Variants in TLK2 observed in about 807,000 individuals in gnomAD.
TLK2 encodes the protein serine/threonine-protein kinase tousled-like 2.
TLK2 carries 6 observed loss-of-function variants against 117.3 expected under a neutral mutation model. That is an observed-to-expected ratio of 0.05 (90% CI 0.03 to 0.10). The LOEUF is 0.10. TLK2 is among the 10% of genes least tolerant of loss of function. The pLI is 1.00. For synonymous variants in TLK2, 257 were observed against 316.7 expected (o/e 0.81, Z 2.00); for missense variants, 299 against 901.2 (o/e 0.33, Z 8.56).
At position 62,486,946 on chromosome 17, in the gene TLK2, CT is replaced by C. The variant is rs1307411905; in HGVS notation, c.81+5742del. On this transcript the variant is annotated intron_variant, in intron 2 of 21. Coordinates refer to ENST00000346027, the MANE Select transcript of TLK2 (RefSeq NM_006852.6). Reference sequence around the variant, plus strand: ...CATGTCAATGATCATTTTACAATAACTTACACTTGTGTTGTAATTATTCTAT... The same window carrying C: ...CATGTCAATGATCATTTTACAATAACTACACTTGTGTTGTAATTATTCTAT... Among the ~76,000 whole-genome samples, 3 of 152,310 alleles carry C rather than the reference CT, an allele frequency of 2.0e-5. No individual in the cohort carries two copies. The East Asian group carries it at 5.8e-4, about 29-fold the overall frequency.
chr17:62,539,256 T>A (rs2077331364), intron 7 of TLK2, among the ~76,000 whole-genome samples: 1 of 152,166 alleles, frequency 6.6e-6, no homozygotes, highest in Admixed American at 6.5e-5. Context: ...CAGTTTCCCT[T>A]CCAGTATTTC....
At chr17:62,489,880 G>T (rs2072921867) in intron 2 of TLK2, among the ~76,000 whole-genome samples, 1 of 152,076 alleles carries the variant, frequency 6.6e-6, no homozygotes, top group Non-Finnish European at 1.5e-5. Context: ...GCCCAGGCTG[G>T]AGTGTGGTGG....
intron 9 of TLK2, among the ~76,000 whole-genome samples, chr17:62,554,528 G>A (rs1245550501): frequency 2.0e-5 from 3 of 152,136 alleles, no homozygotes; most frequent in Non-Finnish European, 4.4e-5. Flanking sequence ...GTTGCAGTGA[G>A]CTGAGATTGC....
intron 11 of TLK2, among the ~76,000 whole-genome samples, chr17:62,569,670 G>A (rs929329594): frequency 2.0e-5 from 3 of 151,800 alleles, no homozygotes; most frequent in Non-Finnish European, 2.9e-5. Flanking sequence ...TAAGTGATCC[G>A]CCCACCTTGG....
rs539363037 is a variant in TLK2, at chr17:62,508,122, T to C, written c.82-12651T>C. On this transcript the variant is annotated intron_variant, in intron 2 of 21. Transcript: ENST00000346027. ...TCAGACTAGTTAAATTTGTTTAAATTTGTGAAATTAACAAATTTAAACCAG... is the reference window on the plus strand; with the variant it reads ...TCAGACTAGTTAAATTTGTTTAAATCTGTGAAATTAACAAATTTAAACCAG... Among the ~76,000 whole-genome samples, 31 of 151,944 alleles carry C rather than the reference T, an allele frequency of 2.0e-4. 1 individual carries two copies. In the South Asian group the frequency reaches 6.0e-3, roughly 30 times the overall value.
chr17:62,609,935 A>T (rs2083607868), intron 21 of TLK2, among the ~76,000 whole-genome samples: 1 of 152,152 alleles, frequency 6.6e-6, no homozygotes, highest in Admixed American at 6.6e-5. Context: ...TCAAAAAAAG[A>T]AAAAGAGAAG....
intron 15 of TLK2, 127 bp downstream of exon 15, chr17:62,580,319 A>G: frequency 1.6e-6 from 1 of 611,548 alleles, no homozygotes; most frequent in Non-Finnish European, 2.6e-6. Context: ...AACTTTAAAA[A>G]CCTGTATCTT....
intron 11 of TLK2, among the ~76,000 whole-genome samples, chr17:62,569,448 T>C (rs1302097997): frequency 7.0e-6 from 1 of 142,438 alleles, no homozygotes; most frequent in Non-Finnish European, 1.5e-5. Context: ...TTTTTTTTTT[T>C]TTTTTGAGAT....
intron 2 of TLK2, among the ~76,000 whole-genome samples, chr17:62,504,665 G>A (rs747787777): frequency 6.6e-6 from 1 of 152,056 alleles, no homozygotes; most frequent in Middle Eastern, 3.2e-3. Flanking sequence ...AAAAAAAGCC[G>A]GACATGGCGG....
At chr17:62,497,406 A>G (rs2073805617) in intron 2 of TLK2, among the ~76,000 whole-genome samples, 3 of 152,358 alleles carry the variant, frequency 2.0e-5, no homozygotes, top group South Asian at 2.1e-4. Flanking sequence ...AGCAGAAGCT[A>G]TGCACATAAT....
chr17:62,577,660 T>G (rs1324644988), intron 13 of TLK2, among the ~76,000 whole-genome samples: 2 of 152,256 alleles, frequency 1.3e-5, no homozygotes, highest in Non-Finnish European at 2.9e-5. Context: ...AGTAAAGATT[T>G]ACTAAACTGC....
At chr17:62,556,834 AAT>A (rs2146285727) in intron 9 of TLK2, among the ~76,000 whole-genome samples, 1 of 152,300 alleles carries the variant, frequency 6.6e-6, no homozygotes, top group Admixed American at 6.5e-5. Context: ...GTCTTATTTT[AAT>A]ATGATTGCCC....
rs138604306 is a variant in TLK2, at chr17:62,609,259, T to C, written c.2079+1111T>C. Among the ~76,000 whole-genome samples, 314 of 152,282 alleles carry C rather than the reference T, an allele frequency of 2.1e-3. 3 individuals are homozygous for C. Among genetic ancestry groups the C allele is most frequent in the East Asian group, 0.01 (53 of 5,182 alleles). On this transcript the variant is annotated intron_variant, in intron 21 of 21. Transcript: ENST00000346027. ...CACTGCTCCTGGCTATTTTTTTGTA[T>C]TTTTTGTAGACAAGGGGTTTCGCCG... is the stretch of plus-strand genomic sequence containing the variant.
chr17:62,512,213 CTTTTTTTT>C (rs35913164), intron 2 of TLK2, among the ~76,000 whole-genome samples: 1 of 40,616 alleles, frequency 2.5e-5, no homozygotes, highest in Non-Finnish European at 4.5e-5. Context: ...ATCACCCCTC[CTTTTTTTT>C]TTTTTTTTTT....
intron 15 of TLK2, among the ~76,000 whole-genome samples, chr17:62,581,191 C>T (rs1019907550): frequency 4.6e-5 from 7 of 151,866 alleles, no homozygotes; most frequent in South Asian, 4.2e-4. Flanking sequence ...TTTCTAGAGA[C>T]GGGGTCTTGC....
intron 1 of TLK2, among the ~76,000 whole-genome samples, chr17:62,472,844 C>T (rs981452920): frequency 2.0e-5 from 3 of 151,996 alleles, no homozygotes; most frequent in African/African-American, 7.3e-5. Context: ...TGGTTATTAT[C>T]AGGACCAATT....
intron 15 of TLK2, among the ~76,000 whole-genome samples, chr17:62,581,438 CTTTTT>C (rs11334252): frequency 8.2e-6 from 1 of 121,298 alleles, no homozygotes. Context: ...ATTCTAGTAT[CTTTTT>C]TTTTTTTTTT....
At chr17:62,601,416 C>T (rs2082866457) in intron 18 of TLK2, among the ~76,000 whole-genome samples, 1 of 152,142 alleles carries the variant, frequency 6.6e-6, no homozygotes, top group African/African-American at 2.4e-5. Context: ...CCACATTTAC[C>T]TTCTGGTGTT....
chr17:62,611,128 A>G (rs2083724345), intron 21 of TLK2, among the ~76,000 whole-genome samples: 1 of 152,140 alleles, frequency 6.6e-6, no homozygotes, highest in Non-Finnish European at 1.5e-5. Context: ...ACAGAACGAG[A>G]TCTTGTCTCT....
Sources: allele counts gnomAD v4.1 joint callset (sites outside exome capture counted in the v4.1 genomes callset), GRCh38; gene constraint gnomAD v4.1.1; transcripts MANE v1.5; gene names NCBI Gene and HGNC (gene_info 2026-07-23, HGNC 2026-07-21).